BDKRB2: variants seen among roughly 807,000 people sequenced by gnomAD.
BDKRB2 encodes B2 bradykinin receptor.
In BDKRB2, 6 loss-of-function variants were observed where a neutral mutation model predicts 4.0. The ratio of observed to expected loss-of-function variants is 1.49; its 90% confidence interval spans 0.81 to 2.93. BDKRB2 has a LOEUF of 2.93. Ranked by LOEUF, BDKRB2 falls within the 30% of genes most tolerant of loss-of-function variation. BDKRB2 has a pLI of 0.00. For synonymous variants in BDKRB2, 225 were observed against 215.3 expected (o/e 1.05, Z -0.40); for missense variants, 478 against 520.1 (o/e 0.92, Z 0.79).
intron 2 of BDKRB2, chr14:96,238,234 T>TC: frequency 1.9e-6 from 1 of 518,398 alleles, no homozygotes; most frequent in Non-Finnish European, 2.5e-6. Flanking sequence ...GCAAGTTGGT[T>TC]CCCCCCATGT....
chr14:96,220,246 C>T (rs1890526632), intron 1 of BDKRB2, among the ~76,000 whole-genome samples: 1 of 151,860 alleles, frequency 6.6e-6, no homozygotes, highest in African/African-American at 2.4e-5. Context: ...CTGGGCAAGT[C>T]AGAGGAAATG....
Position 96,243,858 on chromosome 14 carries a change from A to T in BDKRB2, c.*2354A>T. 3.9e-6 allele frequency: 1 copy of T among 255,902 alleles called. No homozygotes were observed. The highest frequency in any genetic ancestry group is 7.3e-6 in the Non-Finnish European group (1 of 137,718). The allele number at this position is 255,902 out of a possible 1,614,324, so 15.9% of individuals were successfully genotyped here. Reference sequence around the variant, plus strand: ...CATGGTGAATGAAAAAAAAAAAAAGAGGCTGTGTTTTGTCACACAGGGCAG... The same window carrying T: ...CATGGTGAATGAAAAAAAAAAAAAGTGGCTGTGTTTTGTCACACAGGGCAG... On this transcript the variant is annotated 3_prime_UTR_variant, in exon 3 of 3. Coordinates refer to ENST00000554311, the MANE Select transcript of BDKRB2 (RefSeq NM_001379692.1).
intron 1 of BDKRB2, among the ~76,000 whole-genome samples, chr14:96,212,130 G>A (rs12888402): frequency 3.3e-5 from 5 of 151,886 alleles, no homozygotes; most frequent in South Asian, 2.1e-4. Flanking sequence ...ATTCTTTTTC[G>A]CACTCTGAAA....
At chr14:96,232,164 C>T (rs936918716) in intron 1 of BDKRB2, among the ~76,000 whole-genome samples, 4 of 152,198 alleles carry the variant, frequency 2.6e-5, no homozygotes, top group Non-Finnish European at 5.9e-5. Context: ...CTTATGTTCT[C>T]GAACACATTG....
At chr14:96,230,515 C>A (rs1178602770) in intron 1 of BDKRB2, among the ~76,000 whole-genome samples, 5 of 152,164 alleles carry the variant, frequency 3.3e-5, no homozygotes, top group African/African-American at 1.2e-4. Flanking sequence ...CCGCCTCAGC[C>A]CCCCAAGTAG....
At chr14:96,226,451 C>T (rs1286733127) in intron 1 of BDKRB2, among the ~76,000 whole-genome samples, 1 of 151,962 alleles carries the variant, frequency 6.6e-6, no homozygotes. Context: ...GTCGGGAGTT[C>T]GAGACCAGCC....
At chr14:96,213,586 A>T (rs942320330) in intron 1 of BDKRB2, among the ~76,000 whole-genome samples, 1 of 151,932 alleles carries the variant, frequency 6.6e-6, no homozygotes, top group Non-Finnish European at 1.5e-5. Flanking sequence ...ACACCAGCTT[A>T]TGACACACCT....
chr14:96,224,024 T>C (rs557522339), intron 1 of BDKRB2, among the ~76,000 whole-genome samples: 5 of 152,230 alleles, frequency 3.3e-5, no homozygotes, highest in South Asian at 2.1e-4. Context: ...TTCTTCGAGA[T>C]GTGATAATGG....
chr14:96,241,247 G>A lies in BDKRB2; in HGVS notation c.919G>A (p.Glu307Lys), dbSNP rs138076769. ...RLGILSSCQD[E>K]RIIDVITQIA... Reference sequence around the variant, plus strand: ...CGGCATCCTCTCCAGCTGCCAGGACGAGCGCATCATCGATGTAATCACACA... The same window carrying A: ...CGGCATCCTCTCCAGCTGCCAGGACAAGCGCATCATCGATGTAATCACACA... Residue 307 changes from glutamate to lysine, a missense_variant, in exon 3 of 3, where the codon GAG (glutamate) becomes AAG (lysine). Physicochemically the swap from Glu to Lys is moderately conservative, Grantham distance 56. Transcript: ENST00000554311. The A allele has an allele frequency of 9.3e-6, 15 of 1,613,232 alleles. No individual in the cohort carries two copies. In the African/African-American group the frequency reaches 1.5e-4, roughly 16 times the overall value.
Position 96,241,057 on chromosome 14 carries a change from C to T in BDKRB2, c.729C>T (p.Cys243=). ...FLLPLSVITF[C]TMQIMQVLRN... ...TGCCCCTGAGTGTCATCACCTTCTG[C>T]ACGATGCAGATCATGCAGGTGCTGC... Residue 243 remains cysteine, a synonymous_variant, in exon 3 of 3, where the codon TGC becomes TGT. Transcript: ENST00000554311. 3.7e-6 allele frequency: 6 copies of T among 1,613,752 alleles called. No individual in the cohort carries two copies. The highest frequency in any genetic ancestry group is 5.1e-6 in the Non-Finnish European group (6 of 1,179,728).
intron 1 of BDKRB2, among the ~76,000 whole-genome samples, chr14:96,222,680 T>C (rs1410161572): frequency 6.6e-6 from 1 of 152,110 alleles, no homozygotes; most frequent in Non-Finnish European, 1.5e-5. Flanking sequence ...ACCAGCCACA[T>C]GCAGTCACCA....
In BDKRB2 at chr14:96,240,578, C is replaced by T. The variant is rs1267887649; in HGVS notation, c.250C>T (p.Leu84=). 1.9e-6 allele frequency: 3 copies of T among 1,562,960 alleles called. No homozygotes were observed. The highest frequency in any genetic ancestry group is 2.6e-6 in the Non-Finnish European group (3 of 1,156,820). The change falls in exon 3 of 3, where the codon CTG becomes TTG. Residue 84 remains leucine, a synonymous_variant. Transcript: ENST00000554311. ...ENIFVLSVFC[L]HKSSCTVAEI... is the part of the protein sequence containing the mutation. ...CATCTTTGTCCTCAGCGTCTTCTGC[C>T]TGCACAAGAGCAGCTGCACGGTGGC...
At chr14:96,207,093 T>A (rs1890200968) in intron 1 of BDKRB2, among the ~76,000 whole-genome samples, 1 of 152,118 alleles carries the variant, frequency 6.6e-6, no homozygotes, top group Admixed American at 6.5e-5. Context: ...GGAGATTAAG[T>A]CTCAACAGGT....
At position 96,240,406 on chromosome 14, in the gene BDKRB2, C is replaced by T. The variant is rs201408953; in HGVS notation, c.78C>T (p.Ala26=). Reference sequence around the variant, plus strand: ...CCTCTTTTCCACTTTCTTTCAGCGCCGACATGCTCAATGTCACCTTGCAAG... The same window carrying T: ...CCTCTTTTCCACTTTCTTTCAGCGCTGACATGCTCAATGTCACCTTGCAAG... ...DSVPTTASFS[A]DMLNVTLQGP... The change falls in exon 3 of 3, where the codon GCC becomes GCT. Residue 26 remains alanine (A), a synonymous_variant. Coordinates refer to ENST00000554311, the MANE Select transcript of BDKRB2 (RefSeq NM_001379692.1). 28 of 1,435,550 alleles carry T rather than the reference C, an allele frequency of 2.0e-5. No individual in the cohort carries two copies. The highest frequency in any genetic ancestry group is 1.1e-4 in the Admixed American group (4 of 37,404). 88.9% of individuals were successfully genotyped at this position (1,435,550 alleles called of 1,614,324 possible).
chr14:96,215,765 G>C (rs1440844070), intron 1 of BDKRB2, among the ~76,000 whole-genome samples: 1 of 152,196 alleles, frequency 6.6e-6, no homozygotes, highest in East Asian at 1.9e-4. Context: ...CATCTCATCA[G>C]ATGCAATTTC....
Position 96,240,499 on chromosome 14 carries a change from C to CGT in BDKRB2, c.171_172insGT (p.Thr58ValfsTer17). The CGT allele has an allele frequency of 6.4e-7, 1 of 1,562,334 alleles. No homozygotes were observed. The highest frequency in any genetic ancestry group is 1.2e-5 in the South Asian group (1 of 81,340). On this transcript the variant is annotated frameshift_variant, in exon 3 of 3. Transcript: ENST00000554311. LOFTEE classifies it low-confidence loss of function (END_TRUNC). ...AAGTGGAGTGGCTGGGCTGGCTCAA[C>CGT]ACCATCCAGCCCCCCTTCCTCTGGG... is the stretch of plus-strand genomic sequence containing the variant.
At chr14:96,214,636 CAGG>C (rs919507043) in intron 1 of BDKRB2, 2 of 152,570 alleles carry the variant, frequency 1.3e-5, no homozygotes, top group African/African-American at 4.8e-5. Flanking sequence ...AGGGCACAGC[CAGG>C]AGATGTCCCC....
At position 96,241,435 on chromosome 14, in the gene BDKRB2, A is replaced by G. The variant is rs1397818071; in HGVS notation, c.1107A>G (p.Thr369=). 6.3e-7 allele frequency: 1 copy of G among 1,598,758 alleles called. No homozygotes were observed. The highest frequency in any genetic ancestry group is 8.5e-7 in the Non-Finnish European group (1 of 1,176,740). The change falls in exon 3 of 3, where the codon ACA becomes ACG. Residue 369 remains threonine (T), a synonymous_variant. Coordinates refer to ENST00000554311, the MANE Select transcript of BDKRB2 (RefSeq NM_001379692.1). Reference sequence around the variant, plus strand: ...TTCAGATGGAGAACTCCATGGGCACACTGCGGACCTCCATCTCCGTGGAAC... The same window carrying G: ...TTCAGATGGAGAACTCCATGGGCACGCTGCGGACCTCCATCTCCGTGGAAC... ...EPIQMENSMG[T]LRTSISVERQ...
chr14:96,224,361 C>T (rs1380882225), intron 1 of BDKRB2, among the ~76,000 whole-genome samples: 1 of 152,190 alleles, frequency 6.6e-6, no homozygotes, highest in East Asian at 1.9e-4. Flanking sequence ...CAACTCTAGT[C>T]TTGCTAGCTG....
Sources: allele counts gnomAD v4.1 joint callset (sites outside exome capture counted in the v4.1 genomes callset), GRCh38; gene constraint gnomAD v4.1.1; transcripts MANE v1.5; gene names NCBI Gene and HGNC (gene_info 2026-07-23, HGNC 2026-07-21).